Variants in CAMTA1 observed in about 807,000 individuals in gnomAD.
The protein encoded by CAMTA1 is calmodulin binding transcription activator 1, also known as calmodulin-binding transcription activator 1.
Under a neutral mutation model 170.9 loss-of-function variants are expected in CAMTA1, and 27 were observed. The observed-to-expected ratio is 0.16, with a 90% CI of 0.12 to 0.22. CAMTA1 has a LOEUF of 0.22. Ranked by LOEUF, CAMTA1 falls within the 10% of genes least tolerant of loss-of-function variation. CAMTA1 has a pLI of 1.00. For missense variants in CAMTA1, 1,619 were observed against 2,217.2 expected, an observed-to-expected ratio of 0.73 and a Z score of 5.42; for synonymous variants, 833 against 891.5, an observed-to-expected ratio of 0.93 and a Z score of 1.17.
chr1:6,824,566 T>C (rs1288436308), intron 2 of CAMTA1, among the ~76,000 whole-genome samples: 3 of 152,210 alleles, frequency 2.0e-5, no homozygotes, highest in Non-Finnish European at 2.9e-5. Context: ...CCTGAGTAGC[T>C]AACTGCAGGC....
intron 5 of CAMTA1, among the ~76,000 whole-genome samples, chr1:7,272,449 A>G (rs191543489): frequency 2.6e-4 from 40 of 152,182 alleles, no homozygotes; most frequent in African/African-American, 9.6e-4. Flanking sequence ...AAAATCTTTA[A>G]CAGAAGAACA....
intron 4 of CAMTA1, among the ~76,000 whole-genome samples, chr1:7,120,604 C>T (rs1644585965): frequency 6.6e-6 from 1 of 152,326 alleles, no homozygotes; most frequent in East Asian, 1.9e-4. Flanking sequence ...AGCTCACATT[C>T]TGCCCACATT....
At chr1:6,931,544 C>A (rs1417915467) in intron 3 of CAMTA1, among the ~76,000 whole-genome samples, 1 of 152,218 alleles carries the variant, frequency 6.6e-6, no homozygotes, top group Non-Finnish European at 1.5e-5. Context: ...CCTCTTCCTT[C>A]TGCTTCCTTG....
chr1:6,870,768 G>C lies in CAMTA1; in HGVS notation c.234+45558G>C, dbSNP rs183130024. ...AGGCCATCATTTACACTGCTTTGTA[G>C]AATCTGCTGTCTAGTAAGCACTAAG... On this transcript the variant is annotated intron_variant, in intron 3 of 22. Transcript: ENST00000303635. Among the ~76,000 whole-genome samples, 8 of 152,270 alleles carry C rather than the reference G, an allele frequency of 5.3e-5. No individual in the cohort carries two copies. The East Asian group carries it at 1.5e-3, about 29-fold the overall frequency.
chr1:7,435,478 G>T lies in CAMTA1; in HGVS notation c.439-32352G>T, dbSNP rs571577283. 2.6e-5 allele frequency among the ~76,000 whole-genome samples: 4 copies of T among 152,154 alleles called. No individual in the cohort carries two copies. The highest frequency in any genetic ancestry group is 5.9e-5 in the Non-Finnish European group (4 of 68,020). ...TTCCTGTTTTGAAACAGAACCTTCCGGTTTGTTGAGGGTTGGGTCATCATC... is the reference window on the plus strand; with the variant it reads ...TTCCTGTTTTGAAACAGAACCTTCCTGTTTGTTGAGGGTTGGGTCATCATC... On this transcript the variant is annotated intron_variant, in intron 5 of 22. Coordinates refer to ENST00000303635, the MANE Select transcript of CAMTA1 (RefSeq NM_015215.4). This position sits in a 1 kb window ranked among gnomAD's most constrained non-coding sequence, Gnocchi z 4.4.
At chr1:7,280,629 T>A (rs990604247) in intron 5 of CAMTA1, among the ~76,000 whole-genome samples, 3 of 152,256 alleles carry the variant, frequency 2.0e-5, no homozygotes, top group African/African-American at 2.4e-5. Context: ...AATTGCTTTG[T>A]AATTGACTGC....
At chr1:7,184,286 T>A (rs1273755764) in intron 4 of CAMTA1, among the ~76,000 whole-genome samples, 2 of 152,136 alleles carry the variant, frequency 1.3e-5, no homozygotes, top group African/African-American at 4.8e-5. Flanking sequence ...TTGGAAAGAA[T>A]GAATGAGACC....
At chr1:7,629,533 G>T (rs78571968) in intron 6 of CAMTA1, among the ~76,000 whole-genome samples, 113 of 152,346 alleles carry the variant, frequency 7.4e-4, no homozygotes, top group Non-Finnish European at 1.4e-3. Flanking sequence ...GCTCCAGAGT[G>T]GGGGAACCCG....
intron 5 of CAMTA1, among the ~76,000 whole-genome samples, chr1:7,355,447 T>C (rs2085035434): frequency 6.6e-6 from 1 of 152,150 alleles, no homozygotes; most frequent in African/African-American, 2.4e-5. Flanking sequence ...CCATCCATTT[T>C]CTCTAAAAAC....
rs184118719 is a variant in CAMTA1 at position 7,623,909 on chromosome 1, A to G, written c.511-16491A>G. 5.4e-3 allele frequency among the ~76,000 whole-genome samples: 821 copies of G among 152,388 alleles called. 5 individuals carry two copies. The highest frequency in any genetic ancestry group is 0.019 in the African/African-American group (781 of 41,600). On this transcript the variant is annotated intron_variant, in intron 6 of 22. Coordinates refer to ENST00000303635, the MANE Select transcript of CAMTA1 (RefSeq NM_015215.4). ...GTAGCTAACATCTCTTAACAGCTCC[A>G]TAGCAACAGTGGTTTCCAAATGCCA...
intron 3 of CAMTA1, among the ~76,000 whole-genome samples, chr1:6,990,141 T>C (rs1696114749): frequency 6.6e-6 from 1 of 152,206 alleles, no homozygotes; most frequent in Admixed American, 6.5e-5. Flanking sequence ...GTGTGTTATT[T>C]AGGAAGAATG....
rs928140894 is a variant in CAMTA1, at chr1:7,310,190, C to T, written c.438+60564C>T. On this transcript the variant is annotated intron_variant, in intron 5 of 22. Transcript: ENST00000303635. The stretch of plus-strand genomic sequence containing the variant: ...TTTCATTCCTGAAGGATATTTTTGC[C>T]GAATCTAGAATCCTGAGTTGACTGA... Among the ~76,000 whole-genome samples, 39 of 152,236 alleles carry T rather than the reference C, an allele frequency of 2.6e-4. No homozygotes were observed. In the South Asian group the frequency reaches 2.7e-3, roughly 11 times the overall value.
intron 4 of CAMTA1, among the ~76,000 whole-genome samples, chr1:7,123,417 C>T (rs1234283322): frequency 6.6e-6 from 1 of 152,110 alleles, no homozygotes. Context: ...TCCGCGAAGA[C>T]CCTATTTCTC....
chr1:6,988,213 C>T (rs1572247980), intron 3 of CAMTA1, among the ~76,000 whole-genome samples: 1 of 152,014 alleles, frequency 6.6e-6, no homozygotes, highest in Non-Finnish European at 1.5e-5. Flanking sequence ...GGTGCGGGTG[C>T]GCTGGGTGAT....
At chr1:6,881,692 G>A (rs1358146536) in intron 3 of CAMTA1, among the ~76,000 whole-genome samples, 6 of 152,192 alleles carry the variant, frequency 3.9e-5, no homozygotes, top group African/African-American at 1.4e-4. Flanking sequence ...TCTGGGCTGG[G>A]CATGATGGCT....
chr1:7,698,077 C>A (rs897411490), intron 11 of CAMTA1, among the ~76,000 whole-genome samples: 7 of 32,686 alleles, frequency 2.1e-4, no homozygotes, highest in African/African-American at 6.8e-4. Context: ...CACTGTGACC[C>A]CCCCCCCCCC....
intron 5 of CAMTA1, among the ~76,000 whole-genome samples, chr1:7,407,425 C>G (rs567199528): frequency 3.7e-4 from 57 of 152,272 alleles, no homozygotes; most frequent in African/African-American, 1.3e-3. Context: ...TCTGTGGGGC[C>G]CCTCACTCCT....
At chr1:7,645,762 C>T (rs902547155) in intron 7 of CAMTA1, among the ~76,000 whole-genome samples, 1 of 152,258 alleles carries the variant, frequency 6.6e-6, no homozygotes, top group African/African-American at 2.4e-5. Flanking sequence ...GGGCGGGCGG[C>T]AGGAGGGCTG....
In CAMTA1 at chr1:7,251,165, A is replaced by T. The variant is rs1350666797; in HGVS notation, c.438+1539A>T. On this transcript the variant is annotated intron_variant, in intron 5 of 22. Coordinates refer to ENST00000303635, the MANE Select transcript of CAMTA1 (RefSeq NM_015215.4). This position sits in a 1 kb window ranked among gnomAD's most constrained non-coding sequence, Gnocchi z 5.1. ...CCTGGTATATTTCATCTTTAGTAAT[A>T]CGTACATCAGGAACTTCTGCTCGTG... Among the ~76,000 whole-genome samples, 1 of 152,164 alleles carries T rather than the reference A, an allele frequency of 6.6e-6. No individual in the cohort carries two copies. The highest frequency in any genetic ancestry group is 2.4e-5 in the African/African-American group (1 of 41,434).
Sources: gnomAD v4.1 joint callset for allele counts (sites outside exome capture counted in the v4.1 genomes callset) on GRCh38, gnomAD v4.1.1 for gene constraint, Gnocchi (gnomAD v3.1) non-coding constraint, MANE v1.5 for transcripts, NCBI Gene and HGNC (gene_info 2026-07-23, HGNC 2026-07-21) for gene names.